Variants in KLHL18 observed in about 807,000 individuals in gnomAD.
The protein encoded by KLHL18 is kelch like family member 18, also known as kelch-like protein 18.
A neutral mutation model predicts 58.5 loss-of-function variants in KLHL18; 38 were observed. That is an observed-to-expected ratio of 0.65 (90% CI 0.50 to 0.85). The LOEUF (loss-of-function observed/expected upper bound fraction) is 0.85, where lower values mean the gene tolerates loss of function less well. KLHL18 is among the 40% of genes least tolerant of loss of function. The probability of loss-of-function intolerance (pLI) is 0.00; values close to 1 mark genes in which losing one functional copy is unlikely to be tolerated. For synonymous variants in KLHL18, 303 were observed against 301.9 expected (o/e 1.00, Z -0.04); for missense variants, 624 against 778.4 (o/e 0.80, Z 2.36).
intron 1 of KLHL18, among the ~76,000 whole-genome samples, chr3:47,306,290 G>A (rs910601025): frequency 1.1e-4 from 17 of 151,866 alleles, no homozygotes; most frequent in Non-Finnish European, 1.5e-4. Flanking sequence ...AGACTATTTC[G>A]AAGCATGTTG....
rs1162501068 is a variant in KLHL18 at position 47,334,782 on chromosome 3, T to C, written c.861T>C (p.Ala287=). 6.2e-7 allele frequency: 1 copy of C among 1,613,980 alleles called. No individual in the cohort carries two copies. The highest frequency in any genetic ancestry group is 1.1e-5 in the South Asian group (1 of 91,080). Reference sequence around the variant, plus strand: ...GGCCACGCTGCTGCACATCCATCGCTGGACTTATCTACGCTGTAGGGGGCC... The same window carrying C: ...GGCCACGCTGCTGCACATCCATCGCCGGACTTATCTACGCTGTAGGGGGCC... ...RTRPRCCTSI[A]GLIYAVGGLN... is the part of the protein sequence containing the mutation. Residue 287 remains alanine (A), a synonymous_variant, in exon 6 of 10, where the codon GCT becomes GCC. Transcript: ENST00000232766. This position sits in a 1 kb window ranked among gnomAD's most constrained non-coding sequence, Gnocchi z 4.7.
intron 9 of KLHL18, among the ~76,000 whole-genome samples, 181 bp downstream of exon 9, chr3:47,343,011 A>G (rs1335279688): frequency 6.6e-6 from 1 of 152,202 alleles, no homozygotes; most frequent in Non-Finnish European, 1.5e-5. Context: ...GAGCCAGTGT[A>G]CACAAAAGAA....
chr3:47,331,682 C>T (rs1024234614), intron 4 of KLHL18, among the ~76,000 whole-genome samples: 2 of 151,764 alleles, frequency 1.3e-5, no homozygotes, highest in Non-Finnish European at 2.9e-5. Flanking sequence ...ATCTGCCCAC[C>T]TCGGCCTCCC....
At chr3:47,329,899 A>G (rs1703813729) in intron 3 of KLHL18, 52 bp from the exon 4 acceptor site, 6 of 1,508,360 alleles carry the variant, frequency 4.0e-6, no homozygotes, top group Non-Finnish European at 5.5e-6. Flanking sequence ...AGAATGATCA[A>G]AGATAACATC....
intron 1 of KLHL18, among the ~76,000 whole-genome samples, chr3:47,285,024 C>T (rs138986535): frequency 7.9e-5 from 12 of 151,994 alleles, no homozygotes; most frequent in East Asian, 3.9e-4. Context: ...GGTTTCACTA[C>T]GTTAGCCAGA....
chr3:47,323,869 C>T (rs949505699), intron 3 of KLHL18, among the ~76,000 whole-genome samples: 2 of 152,226 alleles, frequency 1.3e-5, no homozygotes, highest in Non-Finnish European at 2.9e-5. Flanking sequence ...TCTCACTCCA[C>T]CTATCCAGTT....
chr3:47,333,048 G>A (rs1703900442), intron 4 of KLHL18, 109 bp from the exon 5 acceptor site: 1 of 1,097,810 alleles, frequency 9.1e-7, no homozygotes, highest in South Asian at 1.6e-5. Flanking sequence ...AAGATTGATG[G>A]GCCCAAGGGA....
At chr3:47,293,627 G>A (rs971541702) in intron 1 of KLHL18, among the ~76,000 whole-genome samples, 2 of 152,212 alleles carry the variant, frequency 1.3e-5, no homozygotes, top group African/African-American at 4.8e-5. Context: ...AGCTGTAAAT[G>A]TCGTGTAACC....
rs1420369614 is a variant in KLHL18, at chr3:47,343,609, A to C, written c.1393A>C (p.Asn465His). Residue 465 changes from asparagine (N) to histidine (H), a missense_variant, in exon 10 of 10, where the codon AAC (asparagine) becomes CAC (histidine). By Grantham distance (68) the Asn-to-His change is moderately conservative (BLOSUM62 1). Coordinates refer to ENST00000232766, the MANE Select transcript of KLHL18 (RefSeq NM_025010.5). ...CTGGCACCCTGCAGCTGGCATGCTC[A>C]ACAAGCGCTGCCGGCACGGAGCCGC... is the stretch of plus-strand genomic sequence containing the variant. ...ATWHPAAGML[N>H]KRCRHGAASL... 3.7e-6 allele frequency: 6 copies of C among 1,614,026 alleles called. No homozygotes were observed. The highest frequency in any genetic ancestry group is 8.5e-7 in the Non-Finnish European group (1 of 1,180,054).
intron 4 of KLHL18, among the ~76,000 whole-genome samples, chr3:47,332,870 G>T (rs138385802): frequency 5.3e-5 from 8 of 152,148 alleles, no homozygotes; most frequent in African/African-American, 1.9e-4. Flanking sequence ...GGGAGCAGGG[G>T]TACAGGAGCA....
intron 9 of KLHL18, 127 bp downstream of exon 9, chr3:47,342,957 A>C: frequency 1.4e-6 from 1 of 700,576 alleles, no homozygotes; most frequent in Non-Finnish European, 2.4e-6. Flanking sequence ...GTGAGGTTTC[A>C]GGCTATCCAC....
chr3:47,289,203 C>T (rs1281758323), intron 1 of KLHL18, among the ~76,000 whole-genome samples: 1 of 152,140 alleles, frequency 6.6e-6, no homozygotes, highest in Non-Finnish European at 1.5e-5. Flanking sequence ...GAGGAGCTCC[C>T]TATATAGACA....
chr3:47,319,934 G>A (rs758126982), intron 2 of KLHL18, 151 bp downstream of exon 2: 26 of 832,026 alleles, frequency 3.1e-5, no homozygotes, highest in Non-Finnish European at 4.5e-5. Flanking sequence ...ATTAGAACCT[G>A]GGCCAGTGGT....
At chr3:47,311,416 G>C (rs1049260717) in intron 1 of KLHL18, among the ~76,000 whole-genome samples, 1 of 152,102 alleles carries the variant, frequency 6.6e-6, no homozygotes, top group Admixed American at 6.6e-5. Context: ...GTATAGGCCA[G>C]GCGTGGTGGC....
In KLHL18 at chr3:47,334,897, C is replaced by G; in HGVS notation, c.898+78C>G. 6.9e-7 allele frequency: 1 copy of G among 1,456,688 alleles called. No individual in the cohort carries two copies. Among genetic ancestry groups the G allele is most frequent in the Non-Finnish European group, 9.3e-7 (1 of 1,071,884 alleles). 90.2% of individuals were successfully genotyped at this position (1,456,688 alleles called of 1,614,324 possible). ...AAGCACCAGACAAATTAGCCTGGCC[C>G]TTCTGGTTTCTCTGTTTTGTACTGT... On this transcript the variant is annotated intron_variant, in intron 6 of 9. Transcript: ENST00000232766. This position sits in a 1 kb window ranked among gnomAD's most constrained non-coding sequence, Gnocchi z 4.7.
In KLHL18 at chr3:47,305,334, GT is replaced by G. The variant is rs397744565; in HGVS notation, c.130-14296del. On this transcript the variant is annotated intron_variant, in intron 1 of 9. Transcript: ENST00000232766. The stretch of plus-strand genomic sequence containing the variant: ...ATGGATGAGTGCTGAATTTTGTCAA[GT>G]TTTTTTTTTTTTTTTTTTTTTTGCA... 9.4e-3 allele frequency among the ~76,000 whole-genome samples: 658 copies of G among 70,358 alleles called. 1 individual carries two copies. The highest frequency in any genetic ancestry group is 0.03 in the African/African-American group (589 of 19,562). The allele number at this position is 70,358 out of a possible 152,430, so 46.2% of individuals were successfully genotyped here. A position where few individuals can be genotyped will look rare whatever the true frequency, so the allele number is the denominator to read the frequency against.
chr3:47,308,471 A>G (rs1293632371), intron 1 of KLHL18, among the ~76,000 whole-genome samples: 3 of 152,198 alleles, frequency 2.0e-5, no homozygotes, highest in South Asian at 4.1e-4. Flanking sequence ...GCTCACTGCA[A>G]TCTCCACCTC....
At chr3:47,283,538 G>A (rs186458944) in intron 1 of KLHL18, 1 of 166,314 alleles carries the variant, frequency 6.0e-6, no homozygotes, top group East Asian at 1.8e-4. Flanking sequence ...CTTCTCCTTA[G>A]GAATCATTGC....
intron 1 of KLHL18, among the ~76,000 whole-genome samples, chr3:47,313,499 C>T (rs554903258): frequency 6.6e-6 from 1 of 152,286 alleles, no homozygotes; most frequent in African/African-American, 2.4e-5. Context: ...GCTAGGATTA[C>T]AGGCATGAAC....
Sources: gnomAD v4.1 joint callset for allele counts (sites outside exome capture counted in the v4.1 genomes callset) on GRCh38, gnomAD v4.1.1 for gene constraint, Gnocchi (gnomAD v3.1) non-coding constraint, MANE v1.5 for transcripts, NCBI Gene and HGNC (gene_info 2026-07-23, HGNC 2026-07-21) for gene names.